SNRNP200: variants seen among roughly 807,000 people sequenced by gnomAD.
SNRNP200 encodes U5 small nuclear ribonucleoprotein 200 kDa helicase.
Under a neutral mutation model 255.2 loss-of-function variants are expected in SNRNP200, and 66 were observed. The ratio of observed to expected loss-of-function variants is 0.26; its 90% CI spans 0.21 to 0.32. The LOEUF (loss-of-function observed/expected upper bound fraction) is 0.32, where lower values mean the gene tolerates loss of function less well. SNRNP200 is among the 10% of genes least tolerant of loss of function. The pLI, the probability that SNRNP200 is intolerant of heterozygous loss-of-function variation, is 1.00. For synonymous variants in SNRNP200, 939 were observed against 1,027.8 expected (o/e 0.91, Z 1.65); for missense variants, 1,585 against 2,749.8 (o/e 0.58, Z 9.47).
rs2063934824 is a variant in SNRNP200, at chr2:96,298,719, A to C, written c.883-17T>G. The C allele has an allele frequency of 1.9e-6, 3 of 1,613,966 alleles. No individual in the cohort carries two copies. The highest frequency in any genetic ancestry group is 1.3e-5 in the African/African-American group (1 of 74,926). On this transcript the variant is annotated splice_polypyrimidine_tract_variant and intron_variant, in intron 7 of 44. Coordinates refer to ENST00000323853, the MANE Select transcript of SNRNP200 (RefSeq NM_014014.5). ...ACTGGCCGTCTGCAGAGAGCAGGTA[A>C]CACCACCATTAAGGCCAAAGCCATC...
rs900282797 is a variant in SNRNP200 at position 96,292,914 on chromosome 2, G to C, written c.2160+58C>G. 5.0e-6 allele frequency: 8 copies of C among 1,589,778 alleles called. No individual in the cohort carries two copies. The African/African-American group carries it at 8.1e-5, about 16-fold the overall frequency. Reference sequence around the variant, plus strand: ...TTTCTGTCAATCTTCCCCAATTATTGGTGAATCAAACATTCGAAAGAATGG... The same window carrying C: ...TTTCTGTCAATCTTCCCCAATTATTCGTGAATCAAACATTCGAAAGAATGG... On this transcript the variant is annotated intron_variant, in intron 16 of 44. Transcript: ENST00000323853.
chr2:96,275,003 C>T lies in SNRNP200; in HGVS notation c.*9G>A, dbSNP rs1240301639. 5 of 1,613,750 alleles carry T rather than the reference C, an allele frequency of 3.1e-6. No individual in the cohort carries two copies. The highest frequency in any genetic ancestry group is 8.5e-7 in the Non-Finnish European group (1 of 1,180,018). On this transcript the variant is annotated 3_prime_UTR_variant, in exon 45 of 45. Coordinates refer to ENST00000323853, the MANE Select transcript of SNRNP200 (RefSeq NM_014014.5). Reference sequence around the variant, plus strand: ...ACTCTCCTTTACCCAAAAGTAAATGCCTCAGGACTCAATCTGAATCACTGT... The same window carrying T: ...ACTCTCCTTTACCCAAAAGTAAATGTCTCAGGACTCAATCTGAATCACTGT...
At chr2:96,302,598 T>C (rs1289530746) in intron 3 of SNRNP200, among the ~76,000 whole-genome samples, 1 of 152,174 alleles carries the variant, frequency 6.6e-6, no homozygotes, top group Non-Finnish European at 1.5e-5. Flanking sequence ...TACCTGGAGA[T>C]AGCGTCAGAT....
At chr2:96,304,621 G>A in intron 2 of SNRNP200, 84 bp downstream of exon 2, 1 of 1,543,818 alleles carries the variant, frequency 6.5e-7, no homozygotes, top group Non-Finnish European at 9.0e-7. Context: ...CTTACACCAA[G>A]CATTCCAGCA....
In SNRNP200 at chr2:96,305,417, A is replaced by C. The variant is rs774736439; in HGVS notation, c.21T>G (p.Arg7=). The change falls in exon 1 of 45, where the codon CGT becomes CGG. Residue 7 remains arginine, a synonymous_variant. Coordinates refer to ENST00000323853, the MANE Select transcript of SNRNP200 (RefSeq NM_014014.5). MADVTA[R]SLQYEYKANS... ...CCGCCTTGTACTCGTATTGCAGACT[A>C]CGGGCGGTTACATCCGCCATGGCCG... 6.2e-7 allele frequency: 1 copy of C among 1,614,104 alleles called. No homozygotes were observed. Among genetic ancestry groups the C allele is most frequent in the Non-Finnish European group, 8.5e-7 (1 of 1,180,016 alleles).
chr2:96,277,453 A>G lies in SNRNP200; in HGVS notation c.5931+86T>C, dbSNP rs1278901739. 2.6e-6 allele frequency: 4 copies of G among 1,511,772 alleles called. No individual in the cohort carries two copies. The African/African-American group carries it at 5.5e-5, about 21-fold the overall frequency. 93.6% of individuals were successfully genotyped at this position (1,511,772 alleles called of 1,614,324 possible). A position where few individuals can be genotyped will look rare whatever the true frequency, so the allele number is the denominator to read the frequency against. On this transcript the variant is annotated intron_variant, in intron 41 of 44. Coordinates refer to ENST00000323853, the MANE Select transcript of SNRNP200 (RefSeq NM_014014.5). The surrounding 1 kb of genome is among the most constrained non-coding windows in gnomAD (Gnocchi z 4.4). ...CCATAACTAAAAGTTTAACTTACTG[A>G]GACTCACCTCCCGCAACCCACGCTC...
chr2:96,299,490 T>C (rs1447129980), intron 5 of SNRNP200, 63 bp from the exon 6 acceptor site: 2 of 1,364,498 alleles, frequency 1.5e-6, no homozygotes, highest in East Asian at 2.3e-5. Context: ...ACAGAACCTC[T>C]CCCTCAAGTC....
At chr2:96,299,173 G>A (rs540955756) in intron 6 of SNRNP200, among the ~76,000 whole-genome samples, 156 bp downstream of exon 6, 4 of 152,124 alleles carry the variant, frequency 2.6e-5, no homozygotes, top group Admixed American at 6.5e-5. Context: ...GAAGAAAACC[G>A]ACAGAAATTT....
chr2:96,302,226 A>G (rs138250839), intron 3 of SNRNP200, among the ~76,000 whole-genome samples: 70 of 152,364 alleles, frequency 4.6e-4, no homozygotes, highest in African/African-American at 1.6e-3. Flanking sequence ...TGGAAAATGA[A>G]TATTAACAGC....
Position 96,296,814 on chromosome 2 carries a change from A to G in SNRNP200, c.1515+119T>C. 6 of 1,549,454 alleles carry G rather than the reference A, an allele frequency of 3.9e-6. No individual in the cohort carries two copies. In the South Asian group the frequency reaches 6.7e-5, roughly 17 times the overall value. On this transcript the variant is annotated intron_variant, in intron 12 of 44. Transcript: ENST00000323853. ...TCCTGGGCACTTTATCCTACTATTTAACCTCTCTTCCATCAAAGGACAAAG... is the reference window on the plus strand; with the variant it reads ...TCCTGGGCACTTTATCCTACTATTTGACCTCTCTTCCATCAAAGGACAAAG...
Position 96,293,065 on chromosome 2 carries a change from A to T in SNRNP200, c.2067T>A (p.Tyr689Ter). The stretch of plus-strand genomic sequence containing the variant: ...TAGCTTTTTTCTCTGTGATACCCAC[A>T]TATGTCTGTTCCAGAGGCACTGGAC... ...SFRPVPLEQT[Y>*]VGITEKKAIK... is the part of the protein sequence containing the mutation. Residue 689 changes from tyrosine to a stop codon, truncating the protein, a stop_gained, in exon 16 of 45, where the codon TAT (tyrosine) becomes TAA (stop). Coordinates refer to ENST00000323853, the MANE Select transcript of SNRNP200 (RefSeq NM_014014.5). LOFTEE classifies it high-confidence loss of function. 6.2e-7 allele frequency: 1 copy of T among 1,614,202 alleles called. No homozygotes were observed. The highest frequency in any genetic ancestry group is 8.5e-7 in the Non-Finnish European group (1 of 1,180,014).
Position 96,277,866 on chromosome 2 carries a change from A to G in SNRNP200, c.5695T>C (p.Leu1899=). The G allele has an allele frequency of 6.2e-7, 1 of 1,614,212 alleles. No homozygotes were observed. Among genetic ancestry groups the G allele is most frequent in the Non-Finnish European group, 8.5e-7 (1 of 1,180,034 alleles). ...VKTNLLLQAH[L]SRMQLSAELQ... is the part of the protein sequence containing the mutation. ...TCAGCACTCAGCTGCATGCGAGACA[A>G]GTGAGCCTGCAGGAGCAGGTTGGTC... Residue 1899 remains leucine (L), a synonymous_variant, in exon 40 of 45, where the codon TTG becomes CTG. Transcript: ENST00000323853. The surrounding 1 kb of genome is among the most constrained non-coding windows in gnomAD (Gnocchi z 4.4).
In SNRNP200 at chr2:96,285,254, T is replaced by C. The variant is rs1357365919; in HGVS notation, c.4090A>G (p.Ile1364Val). ...GAGCTCTGCAGCAGCATTCGCAGGA[T>C]GGCAAACTCTGCACAAATAGTCTTC... is the stretch of plus-strand genomic sequence containing the variant. ...SGKTICAEFAILRMLLQSSEG... is the reference protein window; with the variant it reads ...SGKTICAEFAVLRMLLQSSEG... The change falls in exon 30 of 45, where the codon ATC becomes GTC. Residue 1364 changes from isoleucine to valine, a missense_variant. Physicochemically the swap from Ile to Val is conservative, Grantham distance 29. Transcript: ENST00000323853. 6.2e-7 allele frequency: 1 copy of C among 1,614,058 alleles called. No homozygotes were observed. The highest frequency in any genetic ancestry group is 8.5e-7 in the Non-Finnish European group (1 of 1,180,042).
rs553187900 is a variant in SNRNP200 at position 96,291,120 on chromosome 2, G to A, written c.2421+272C>T. On this transcript the variant is annotated intron_variant, in intron 18 of 44. Coordinates refer to ENST00000323853, the MANE Select transcript of SNRNP200 (RefSeq NM_014014.5). The surrounding 1 kb of genome is among the most constrained non-coding windows in gnomAD (Gnocchi z 4.2). ...CGGAAAGAGGGAACGACAAGGGCAC[G>A]CGTGCCCCCATGAGACACTGTTTGG... 4.6e-5 allele frequency among the ~76,000 whole-genome samples: 7 copies of A among 152,260 alleles called. No homozygotes were observed. Among genetic ancestry groups the A allele is most frequent in the South Asian group, 2.1e-4 (1 of 4,824 alleles).
Position 96,297,681 on chromosome 2 carries a change from T to A in SNRNP200, c.1159A>T (p.Met387Leu). 6.2e-7 allele frequency: 1 copy of A among 1,614,238 alleles called. No homozygotes were observed. The highest frequency in any genetic ancestry group is 2.2e-5 in the East Asian group (1 of 44,896). Reference protein sequence around the residue: ...SRRERVRQSRMDTDLETMDLD... With the variant: ...SRRERVRQSRLDTDLETMDLD... Reference sequence around the variant, plus strand: ...TCCATGGTTTCCAGATCTGTGTCCATTCGAGACTGACGCACTCGCTCTCTC... The same window carrying A: ...TCCATGGTTTCCAGATCTGTGTCCAATCGAGACTGACGCACTCGCTCTCTC... The change falls in exon 10 of 45, where the codon ATG (methionine) becomes TTG (leucine). Residue 387 changes from methionine (M) to leucine (L), a missense_variant. This residue lies in a region of SNRNP200 where 383 missense variants were observed against 645.3 expected (regional missense o/e 0.59). Coordinates refer to ENST00000323853, the MANE Select transcript of SNRNP200 (RefSeq NM_014014.5).
intron 6 of SNRNP200, 128 bp from the exon 7 acceptor site, chr2:96,299,095 A>G: frequency 8.2e-7 from 1 of 1,216,770 alleles, no homozygotes. Context: ...TCCAGAGGAA[A>G]AAACTCTGGA....
chr2:96,282,928 C>A, intron 34 of SNRNP200: 1 of 533,426 alleles, frequency 1.9e-6, no homozygotes. Context: ...GGTCTGGTGG[C>A]CAAAGGTCCT....
Position 96,277,319 on chromosome 2 carries a change from AT to A in SNRNP200, c.5932-79del. The A allele has an allele frequency of 6.7e-7, 1 of 1,488,492 alleles. No homozygotes were observed. Among genetic ancestry groups the A allele is most frequent in the Non-Finnish European group, 9.4e-7 (1 of 1,067,170 alleles). 92.2% of individuals were successfully genotyped at this position (1,488,492 alleles called of 1,614,324 possible). A position where few individuals can be genotyped will look rare whatever the true frequency, so the allele number is the denominator to read the frequency against. ...TGACACAGGCAGCAAAGAGCTACTA[AT>A]TTTACCTCCTACACTATCAAGTCAT... On this transcript the variant is annotated intron_variant, in intron 41 of 44. Transcript: ENST00000323853. The surrounding 1 kb of genome is among the most constrained non-coding windows in gnomAD (Gnocchi z 4.4).
chr2:96,280,839 C>T (rs954193773), intron 35 of SNRNP200, among the ~76,000 whole-genome samples: 2 of 149,962 alleles, frequency 1.3e-5, no homozygotes, highest in Admixed American at 6.7e-5. Flanking sequence ...TGAGCCACCA[C>T]ACCTGGCCCT....
Sources: gnomAD v4.1 joint callset for allele counts (sites outside exome capture counted in the v4.1 genomes callset) on GRCh38, gnomAD v4.1.1 for gene constraint, gnomAD v4.1.1 regional missense constraint, Gnocchi (gnomAD v3.1) non-coding constraint, MANE v1.5 for transcripts, NCBI Gene and HGNC (gene_info 2026-07-23, HGNC 2026-07-21) for gene names.